The following TRIM62 variants were observed in gnomAD, a reference collection of about 807,000 sequenced individuals.
TRIM62 encodes the protein E3 ubiquitin-protein ligase TRIM62.
TRIM62 carries 39 observed loss-of-function variants against 44.2 expected under a neutral mutation model. The ratio of observed to expected loss-of-function variants is 0.88; its 90% CI spans 0.68 to 1.15. The LOEUF (loss-of-function observed/expected upper bound fraction) is 1.15, where lower values mean the gene tolerates loss of function less well. Ranked by LOEUF, TRIM62 falls within the 50% of genes most tolerant of loss-of-function variation. TRIM62 has a pLI of 0.00. For missense variants in TRIM62, 544 were observed against 665.5 expected (o/e 0.82, Z 2.01); for synonymous variants, 278 against 292.3 (o/e 0.95, Z 0.50).
chr1:33,152,194 G>A (rs946029894), intron 4 of TRIM62, among the ~76,000 whole-genome samples: 3 of 152,240 alleles, frequency 2.0e-5, no homozygotes, highest in Non-Finnish European at 4.4e-5. Context: ...ACTTGGAGAG[G>A]AAGCAGAGTT....
chr1:33,179,119 G>C (rs1209873323), intron 1 of TRIM62, among the ~76,000 whole-genome samples: 1 of 152,230 alleles, frequency 6.6e-6, no homozygotes, highest in Non-Finnish European at 1.5e-5. Flanking sequence ...TTGGACAGAT[G>C]GTTTCAGACA....
intron 1 of TRIM62, among the ~76,000 whole-genome samples, chr1:33,171,056 G>A (rs584298): frequency 0.67 from 101,424 of 151,928 alleles, 34,603 homozygotes; most frequent in Non-Finnish European, 0.73. Context: ...GCAGGAAGAG[G>A]CTGCAGGGAC....
chr1:33,178,112 A>G (rs1186100622), intron 1 of TRIM62, among the ~76,000 whole-genome samples: 2 of 152,190 alleles, frequency 1.3e-5, no homozygotes, highest in Non-Finnish European at 2.9e-5. Context: ...GTATAGGCCC[A>G]GCTTCCTCTG....
rs190728553 is a variant in TRIM62 at position 33,175,141 on chromosome 1, C to T, written c.408+5884G>A. ...TGCAACCTCTGCCTCCCGGTTCAAG[C>T]GATTCTCGTGCCTCAGCCTCCCGAG... On this transcript the variant is annotated intron_variant, in intron 1 of 4. Coordinates refer to ENST00000291416, the MANE Select transcript of TRIM62 (RefSeq NM_018207.3). Among the ~76,000 whole-genome samples the T allele has an allele frequency of 7.3e-4, 111 of 151,586 alleles. No individual in the cohort carries two copies. In the East Asian group the frequency reaches 0.019, roughly 26 times the overall value.
chr1:33,162,923 A>C (rs1010054253), intron 2 of TRIM62: 3 of 152,302 alleles, frequency 2.0e-5, no homozygotes, highest in African/African-American at 7.2e-5. Context: ...GTGGGACTTC[A>C]GGTTGGTCCC....
chr1:33,180,827 C>A (rs1314756538), intron 1 of TRIM62, among the ~76,000 whole-genome samples, 198 bp downstream of exon 1: 1 of 151,732 alleles, frequency 6.6e-6, no homozygotes, highest in African/African-American at 2.4e-5. Flanking sequence ...AAGGCCCCGC[C>A]CCCACGGCCC....
chr1:33,149,519 A>T (rs1645067914), intron 4 of TRIM62, among the ~76,000 whole-genome samples: 1 of 151,926 alleles, frequency 6.6e-6, no homozygotes, highest in Admixed American at 6.6e-5. Flanking sequence ...CAGTAGTGTC[A>T]TCATAGCTCA....
chr1:33,178,397 C>T (rs528767090), intron 1 of TRIM62, among the ~76,000 whole-genome samples: 8 of 152,330 alleles, frequency 5.3e-5, no homozygotes, highest in African/African-American at 1.9e-4. Flanking sequence ...AGCACATCCT[C>T]TCTAGATGGG....
chr1:33,165,792 T>A lies in TRIM62; in HGVS notation c.409-226A>T. The A allele has an allele frequency of 2.5e-6, 1 of 399,614 alleles. No individual in the cohort carries two copies. The highest frequency in any genetic ancestry group is 4.5e-6 in the Non-Finnish European group (1 of 222,382). 24.8% of individuals were successfully genotyped at this position (399,614 alleles called of 1,614,324 possible). ...CTGCATCTTTGCAACAACCTCCTCC[T>A]CTTTGGCCACCCTAGAGGCTTCTGT... On this transcript the variant is annotated intron_variant, in intron 1 of 4. Coordinates refer to ENST00000291416, the MANE Select transcript of TRIM62 (RefSeq NM_018207.3). The surrounding 1 kb of genome is among the most constrained non-coding windows in gnomAD (Gnocchi z 4.0).
chr1:33,160,615 G>A (rs1645252951), intron 2 of TRIM62, among the ~76,000 whole-genome samples: 1 of 152,062 alleles, frequency 6.6e-6, no homozygotes, highest in Non-Finnish European at 1.5e-5. Context: ...ATGTTGGCCA[G>A]GCTGGTCTCA....
intron 4 of TRIM62, among the ~76,000 whole-genome samples, chr1:33,154,092 G>A (rs1345626841): frequency 1.3e-5 from 2 of 152,238 alleles, no homozygotes; most frequent in Admixed American, 1.3e-4. Context: ...TGCAGCCGAA[G>A]GGAATGGCAT....
rs147959454 is a variant in TRIM62, at chr1:33,177,513, G to C, written c.408+3512C>G. Among the ~76,000 whole-genome samples, 1 of 152,330 alleles carries C rather than the reference G, an allele frequency of 6.6e-6. No individual in the cohort carries two copies. The highest frequency in any genetic ancestry group is 2.4e-5 in the African/African-American group (1 of 41,566). ...CTGGAGTACAAAGCAATTGTGCTTAGTAGGTCAGGGAAGGCTTCACAGAGG... is the reference window on the plus strand; with the variant it reads ...CTGGAGTACAAAGCAATTGTGCTTACTAGGTCAGGGAAGGCTTCACAGAGG... On this transcript the variant is annotated intron_variant, in intron 1 of 4. Coordinates refer to ENST00000291416, the MANE Select transcript of TRIM62 (RefSeq NM_018207.3). The surrounding 1 kb of genome is among the most constrained non-coding windows in gnomAD (Gnocchi z 4.1).
intron 4 of TRIM62, among the ~76,000 whole-genome samples, chr1:33,151,890 G>A (rs763803695): frequency 2.0e-5 from 3 of 152,240 alleles, no homozygotes; most frequent in Admixed American, 1.3e-4. Context: ...CTGCTTGGCA[G>A]TGAGTGGATT....
rs556474959 is a variant in TRIM62, at chr1:33,160,027, GAC to G, written c.505-85_505-84del. ...GTGAGAGGAGGAAATCGAGAGCCTTGACACACAGAGAGGAAAGGGTGGGAAAG... is the reference window on the plus strand; with the variant it reads ...GTGAGAGGAGGAAATCGAGAGCCTTGACACAGAGAGGAAAGGGTGGGAAAG... On this transcript the variant is annotated intron_variant, in intron 2 of 4. Coordinates refer to ENST00000291416, the MANE Select transcript of TRIM62 (RefSeq NM_018207.3). The G allele has an allele frequency of 3.9e-6, 6 of 1,539,636 alleles. No homozygotes were observed. The African/African-American group carries it at 4.1e-5, about 10-fold the overall frequency.
At position 33,159,709 on chromosome 1, in the gene TRIM62, C is replaced by T; in HGVS notation, c.740G>A (p.Gly247Glu). Residue 247 changes from glycine to glutamate, a missense_variant, in exon 3 of 5, where the codon GGG becomes GAG. Gly to Glu is a moderately conservative substitution (Grantham distance 98, BLOSUM62 -2). Transcript: ENST00000291416. This position sits in a 1 kb window ranked among gnomAD's most constrained non-coding sequence, Gnocchi z 4.2. ...TTACCGCTCGGACAGTGAGGCCACC[C>T]CAGCCAGGAAGGTGTGCCGGTCGGT... is the stretch of plus-strand genomic sequence containing the variant. ...AETDRHTFLA[G>E]VASLSERLKG... The T allele has an allele frequency of 1.2e-6, 2 of 1,609,906 alleles. No homozygotes were observed. Among genetic ancestry groups the T allele is most frequent in the Non-Finnish European group, 1.7e-6 (2 of 1,179,052 alleles).
At position 33,159,653 on chromosome 1, in the gene TRIM62, G is replaced by C; in HGVS notation, c.761+35C>G. ...CCCAGCATGGGTCGAGGAGGGGATG[G>C]TCAGCCGGGGAGGGCCCCGGCGGGT... On this transcript the variant is annotated intron_variant, in intron 3 of 4. Coordinates refer to ENST00000291416, the MANE Select transcript of TRIM62 (RefSeq NM_018207.3). The surrounding 1 kb of genome is among the most constrained non-coding windows in gnomAD (Gnocchi z 4.2). 2 of 1,582,172 alleles carry C rather than the reference G, an allele frequency of 1.3e-6. No homozygotes were observed. The highest frequency in any genetic ancestry group is 1.7e-5 in the Admixed American group (1 of 59,244).
intron 1 of TRIM62, chr1:33,176,626 G>A (rs1399139453): frequency 2.0e-6 from 1 of 507,224 alleles, no homozygotes; most frequent in East Asian, 3.0e-5. Flanking sequence ...GCGTCAGCTG[G>A]CACAGATGGC....
Position 33,147,021 on chromosome 1 carries a change from G to T in TRIM62, c.*156C>A. 1 of 717,044 alleles carries T rather than the reference G, an allele frequency of 1.4e-6. No individual in the cohort carries two copies. Among genetic ancestry groups the T allele is most frequent in the Non-Finnish European group, 2.3e-6 (1 of 432,302 alleles). 44.4% of individuals were successfully genotyped at this position (717,044 alleles called of 1,614,324 possible). Reference sequence around the variant, plus strand: ...GAAGAGAGTTTAGGAAGTAGGGAATGCAACCTCCATTTTACAGACTGGAGG... The same window carrying T: ...GAAGAGAGTTTAGGAAGTAGGGAATTCAACCTCCATTTTACAGACTGGAGG... On this transcript the variant is annotated 3_prime_UTR_variant, in exon 5 of 5. Transcript: ENST00000291416. The surrounding 1 kb of genome is among the most constrained non-coding windows in gnomAD (Gnocchi z 8.1).
chr1:33,169,805 G>A (rs1204670756), intron 1 of TRIM62, among the ~76,000 whole-genome samples: 1 of 152,238 alleles, frequency 6.6e-6, no homozygotes, highest in African/African-American at 2.4e-5. Flanking sequence ...GTATCAGACA[G>A]TGCAGACACA....
Sources: allele counts gnomAD v4.1 joint callset (sites outside exome capture counted in the v4.1 genomes callset), GRCh38; gene constraint gnomAD v4.1.1; non-coding constraint Gnocchi (gnomAD v3.1); transcripts MANE v1.5; gene names NCBI Gene and HGNC (gene_info 2026-07-23, HGNC 2026-07-21).